The following KCTD19 variants were observed in gnomAD, a reference collection of about 807,000 sequenced individuals.
KCTD19 encodes the protein potassium channel tetramerization domain containing 19, also known as BTB/POZ domain-containing protein KCTD19.
KCTD19 carries 67 observed loss-of-function variants against 103.5 expected under a neutral mutation model. The ratio of observed to expected loss-of-function variants is 0.65; its 90% CI spans 0.53 to 0.79. KCTD19 has a LOEUF of 0.79. KCTD19 is among the 30% of genes least tolerant of loss of function. The pLI is 0.00. For missense variants in KCTD19, 980 were observed against 1,136.1 expected, an observed-to-expected ratio of 0.86 and a Z score of 1.98; for synonymous variants, 439 against 452.2, an observed-to-expected ratio of 0.97 and a Z score of 0.37.
At chr16:67,315,536 C>A (rs377638335) in intron 2 of KCTD19, among the ~76,000 whole-genome samples, 3 of 152,096 alleles carry the variant, frequency 2.0e-5, no homozygotes, top group African/African-American at 4.8e-5. Flanking sequence ...GGCTGGAGCA[C>A]AGTGGCACGA....
rs145587122 is a variant in KCTD19 at position 67,290,074 on chromosome 16, C to T, written c.2668-392G>A. 1.6e-3 allele frequency among the ~76,000 whole-genome samples: 240 copies of T among 150,740 alleles called. 2 individuals carry two copies. Among genetic ancestry groups the T allele is most frequent in the African/African-American group, 5.6e-3 (229 of 40,934 alleles). ...CAGATCAATGAGAAACTGCCTAAAT[C>T]GTTTCGGCCTCAATGTTAAAATTAG... On this transcript the variant is annotated intron_variant, in intron 15 of 15. Transcript: ENST00000304372.
At chr16:67,296,133 A>G in intron 8 of KCTD19, 26 bp downstream of exon 8, 1 of 1,390,438 alleles carries the variant, frequency 7.2e-7, no homozygotes, top group South Asian at 1.2e-5. Flanking sequence ...CCAGATGGGG[A>G]GCAGGGCAGC....
At chr16:67,299,654 G>A in intron 5 of KCTD19, 81 bp from the exon 6 acceptor site, 1 of 1,163,964 alleles carries the variant, frequency 8.6e-7, no homozygotes, top group Non-Finnish European at 1.2e-6. Flanking sequence ...GGTTCCTACT[G>A]CTGCCTCCAT....
In KCTD19 at chr16:67,303,393, C is replaced by A; in HGVS notation, c.452-56G>T. On this transcript the variant is annotated intron_variant, in intron 3 of 15. Transcript: ENST00000304372. The surrounding 1 kb of genome is among the most constrained non-coding windows in gnomAD (Gnocchi z 4.3). Reference sequence around the variant, plus strand: ...CCTCTCAGAAGCCAGGGATCTGATTCCAGCAGGGCTTTCACTGACCCAGGG... The same window carrying A: ...CCTCTCAGAAGCCAGGGATCTGATTACAGCAGGGCTTTCACTGACCCAGGG... 1 of 1,482,160 alleles carries A rather than the reference C, an allele frequency of 6.7e-7. No individual in the cohort carries two copies. Among genetic ancestry groups the A allele is most frequent in the South Asian group, 1.3e-5 (1 of 79,052 alleles). The allele number at this position is 1,482,160 out of a possible 1,614,324, so 91.8% of individuals were successfully genotyped here.
intron 7 of KCTD19, 40 bp downstream of exon 7, chr16:67,297,463 C>T (rs529054427): frequency 5.0e-6 from 8 of 1,598,452 alleles, no homozygotes; most frequent in Non-Finnish European, 6.9e-6. Context: ...CCAGATACTC[C>T]CCTGATGCTA....
intron 2 of KCTD19, among the ~76,000 whole-genome samples, chr16:67,317,811 C>T (rs1196447762): frequency 6.6e-6 from 1 of 152,096 alleles, no homozygotes; most frequent in Non-Finnish European, 1.5e-5. Flanking sequence ...TCCCCAAAGC[C>T]CACAGGAATA....
At position 67,296,217 on chromosome 16, in the gene KCTD19, A is replaced by T; in HGVS notation, c.1190T>A (p.Ile397Asn). 1 of 1,613,788 alleles carries T rather than the reference A, an allele frequency of 6.2e-7. No individual in the cohort carries two copies. Among genetic ancestry groups the T allele is most frequent in the Non-Finnish European group, 8.5e-7 (1 of 1,179,676 alleles). ...GTGGCTTCCAACATACACTTTGATG[A>T]TCTGTTGTGGGGAATACACAGTGAT... is the stretch of plus-strand genomic sequence containing the variant. ...AEITVYSPQQ[I>N]IKVYVGSHWY... The change falls in exon 8 of 16, where the codon ATC becomes AAC. Residue 397 changes from isoleucine (I) to asparagine (N), a missense_variant. By Grantham distance (149) the Ile-to-Asn change is moderately radical (BLOSUM62 -3). Transcript: ENST00000304372.
rs780007562 is a variant in KCTD19 at position 67,297,570 on chromosome 16, G to A, written c.1080C>T (p.Tyr360=). ...TCTTCAAAGCAACTTTGATTGGCTC[G>A]TAGGTGATGTCCCTTTTGTCTAGGA... ...CAFLDKRDIT[Y]EPIKVALKTH... The change falls in exon 7 of 16, where the codon TAC becomes TAT. Residue 360 remains tyrosine (Y), a synonymous_variant. Coordinates refer to ENST00000304372, the MANE Select transcript of KCTD19 (RefSeq NM_001100915.3). The A allele has an allele frequency of 2.9e-5, 47 of 1,613,944 alleles. No individual in the cohort carries two copies. The highest frequency in any genetic ancestry group is 4.5e-5 in the East Asian group (2 of 44,880).
At chr16:67,310,228 C>T (rs1050648969) in intron 2 of KCTD19, among the ~76,000 whole-genome samples, 3 of 152,218 alleles carry the variant, frequency 2.0e-5, no homozygotes, top group African/African-American at 4.8e-5. Context: ...ATAGATATAA[C>T]CTCCCCAAGA....
chr16:67,299,520 T>G lies in KCTD19; in HGVS notation c.829A>C (p.Thr277Pro), dbSNP rs536021514. The G allele has an allele frequency of 6.2e-7, 1 of 1,613,336 alleles. No homozygotes were observed. The highest frequency in any genetic ancestry group is 1.3e-5 in the African/African-American group (1 of 74,746). Residue 277 changes from threonine (T) to proline (P), a missense_variant, in exon 6 of 16, where the codon ACA becomes CCA. Thr to Pro is a conservative substitution (Grantham distance 38, BLOSUM62 -1). Coordinates refer to ENST00000304372, the MANE Select transcript of KCTD19 (RefSeq NM_001100915.3). Reference protein sequence around the residue: ...SPLSPGKGARTASLESVKPLY... With the variant: ...SPLSPGKGARPASLESVKPLY... ...GGTTTCACGGACTCCAGGCTGGCTG[T>G]GCGGGCCCCCTTCCCGGGGCTCAGG...
At chr16:67,315,300 T>C (rs1433429371) in intron 2 of KCTD19, among the ~76,000 whole-genome samples, 5 of 151,788 alleles carry the variant, frequency 3.3e-5, no homozygotes, top group African/African-American at 1.2e-4. Flanking sequence ...TATTAGCGTT[T>C]AACTATTCCT....
chr16:67,311,304 T>G (rs2036946292), intron 2 of KCTD19, among the ~76,000 whole-genome samples: 1 of 146,940 alleles, frequency 6.8e-6, no homozygotes, highest in Non-Finnish European at 1.5e-5. Flanking sequence ...AGGCCAAATC[T>G]TTTTTTTTTT....
intron 2 of KCTD19, among the ~76,000 whole-genome samples, chr16:67,309,171 A>G (rs1415804011): frequency 6.6e-6 from 1 of 151,886 alleles, no homozygotes; most frequent in Non-Finnish European, 1.5e-5. Context: ...AAAGAAAAGG[A>G]AGGGCTGGAG....
chr16:67,293,529 G>A lies in KCTD19; in HGVS notation c.2218+15C>T, dbSNP rs747575214. 1.9e-6 allele frequency: 3 copies of A among 1,608,196 alleles called. No individual in the cohort carries two copies. The highest frequency in any genetic ancestry group is 2.5e-6 in the Non-Finnish European group (3 of 1,176,560). On this transcript the variant is annotated intron_variant, in intron 12 of 15. Transcript: ENST00000304372. The surrounding 1 kb of genome is among the most constrained non-coding windows in gnomAD (Gnocchi z 4.0). ...GTTGTGAATAAGACTTAGATCAAAG[G>A]GGGACAGGACTCACCTCTCTCCTTG...
At chr16:67,299,833 T>G (rs1229630448) in intron 5 of KCTD19, 1 of 509,770 alleles carries the variant, frequency 2.0e-6, no homozygotes. Flanking sequence ...GCATCTGAAT[T>G]TCCTAAGTTT....
At chr16:67,299,825 A>G in intron 5 of KCTD19, 1 of 521,114 alleles carries the variant, frequency 1.9e-6, no homozygotes, top group Non-Finnish European at 3.4e-6. Flanking sequence ...TATCACTAGC[A>G]TCTGAATTTC....
Position 67,326,728 on chromosome 16 carries a change from G to C in KCTD19, c.-21C>G, listed in dbSNP as rs746871252. 3 of 1,573,198 alleles carry C rather than the reference G, an allele frequency of 1.9e-6. No individual in the cohort carries two copies. The African/African-American group carries it at 4.2e-5, about 22-fold the overall frequency. ...ACCATGGTCGCGGCTCCAGCAGCGG[G>C]CGGGCGGGCTTGTGACCCGGCCAAT... On this transcript the variant is annotated 5_prime_UTR_variant, in exon 1 of 16. Coordinates refer to ENST00000304372, the MANE Select transcript of KCTD19 (RefSeq NM_001100915.3).
Position 67,294,527 on chromosome 16 carries a change from C to T in KCTD19, c.1590+53G>A, listed in dbSNP as rs201529276. On this transcript the variant is annotated intron_variant, in intron 11 of 15. Transcript: ENST00000304372. ...GAACCTACCCCCATCCACCCTGAGC[C>T]CGGTGGTAGTGGTTTTTGAGGATAA... 320 of 1,264,546 alleles carry T rather than the reference C, an allele frequency of 2.5e-4. 2 individuals are homozygous for T. The Middle Eastern group carries it at 4.4e-3, about 17-fold the overall frequency. 78.3% of individuals were successfully genotyped at this position (1,264,546 alleles called of 1,614,324 possible).
chr16:67,326,463 C>G (rs941756896), intron 1 of KCTD19, among the ~76,000 whole-genome samples: 1 of 152,210 alleles, frequency 6.6e-6, no homozygotes, highest in Non-Finnish European at 1.5e-5. Context: ...AAGGGGCACA[C>G]GCCCAGCCCT....
Sources: gnomAD v4.1 joint callset for allele counts (sites outside exome capture counted in the v4.1 genomes callset) on GRCh38, gnomAD v4.1.1 for gene constraint, Gnocchi (gnomAD v3.1) non-coding constraint, MANE v1.5 for transcripts, NCBI Gene and HGNC (gene_info 2026-07-23, HGNC 2026-07-21) for gene names.